The following GFM2 variants were observed in gnomAD, a reference collection of about 807,000 sequenced individuals.
GFM2 encodes ribosome-releasing factor 2, mitochondrial.
GFM2 carries 72 observed loss-of-function variants against 95.4 expected under a neutral mutation model. The ratio of observed to expected loss-of-function variants is 0.76; its 90% confidence interval spans 0.62 to 0.92. The LOEUF (loss-of-function observed/expected upper bound fraction) is 0.92, where lower values mean the gene tolerates loss of function less well. Among genes scored for constraint, GFM2 ranks in the 40% least tolerant of loss-of-function variants. GFM2 has a pLI of 0.00. For missense variants in GFM2, 825 were observed against 924.1 expected, an observed-to-expected ratio of 0.89 and a Z score of 1.39; for synonymous variants, 276 against 317.5, an observed-to-expected ratio of 0.87 and a Z score of 1.39.
Position 74,721,465 on chromosome 5 carries a change from T to C in GFM2, c.*190A>G. ...CAGTGGCTTTAAACATCAAAGCACA[T>C]TTCTCATTATATAAATTAAAACGGG... On this transcript the variant is annotated 3_prime_UTR_variant, in exon 21 of 21. Coordinates refer to ENST00000296805, the MANE Select transcript of GFM2 (RefSeq NM_032380.5). 1 of 715,958 alleles carries C rather than the reference T, an allele frequency of 1.4e-6. No homozygotes were observed. Among genetic ancestry groups the C allele is most frequent in the Non-Finnish European group, 2.4e-6 (1 of 413,568 alleles). 44.4% of individuals were successfully genotyped at this position (715,958 alleles called of 1,614,324 possible).
At chr5:74,754,890 C>T (rs1007622762) in intron 5 of GFM2, among the ~76,000 whole-genome samples, 8 of 152,010 alleles carry the variant, frequency 5.3e-5, no homozygotes, top group Admixed American at 1.3e-4. Context: ...CTGAGGCAGG[C>T]GGATTACCTG....
At position 74,721,357 on chromosome 5, in the gene GFM2, A is replaced by C; in HGVS notation, c.*298T>G. ...TCTTGTGAGACAAGCTTAAGGACAC[A>C]AAAGAAACACAACTTTGTGATACCA... On this transcript the variant is annotated 3_prime_UTR_variant, in exon 21 of 21. Coordinates refer to ENST00000296805, the MANE Select transcript of GFM2 (RefSeq NM_032380.5). 1 of 742,554 alleles carries C rather than the reference A, an allele frequency of 1.3e-6. No individual in the cohort carries two copies. 46.0% of individuals were successfully genotyped at this position (742,554 alleles called of 1,614,324 possible).
chr5:74,746,202 T>A, intron 8 of GFM2, 37 bp from the exon 9 acceptor site: 1 of 1,177,336 alleles, frequency 8.5e-7, no homozygotes, highest in East Asian at 2.7e-5. Context: ...AAAAACATGG[T>A]TAAAAATTCT....
intron 17 of GFM2, among the ~76,000 whole-genome samples, chr5:74,729,232 AT>A (rs1294695371): frequency 6.6e-6 from 1 of 152,234 alleles, no homozygotes; most frequent in African/African-American, 2.4e-5. Context: ...TCAGAAGCCT[AT>A]GATTACAAAT....
chr5:74,745,604 T>C (rs1292678098), intron 10 of GFM2, 74 bp downstream of exon 10: 3 of 1,276,484 alleles, frequency 2.4e-6, no homozygotes, highest in African/African-American at 1.5e-5. Flanking sequence ...CCCCGAGAGA[T>C]GCTAAAGTAT....
intron 17 of GFM2, 137 bp downstream of exon 17, chr5:74,730,123 A>G (rs1397503467): frequency 5.0e-6 from 4 of 797,278 alleles, no homozygotes; most frequent in Non-Finnish European, 7.5e-6. Context: ...CTAAAAAAAC[A>G]AAAAAACCCC....
intron 1 of GFM2, 97 bp from the exon 2 acceptor site, chr5:74,763,863 A>C: frequency 1.7e-6 from 1 of 600,050 alleles, no homozygotes; most frequent in Non-Finnish European, 2.9e-6. Context: ...GTATGGTAAA[A>C]TGTATTACTT....
chr5:74,752,323 G>C (rs143880540), intron 5 of GFM2, among the ~76,000 whole-genome samples: 124 of 152,206 alleles, frequency 8.1e-4, no homozygotes, highest in Middle Eastern at 3.4e-3. Flanking sequence ...CCATTATCAT[G>C]GCCTTATACT....
At chr5:74,722,785 G>A (rs1222739593) in intron 19 of GFM2, 19 of 412,786 alleles carry the variant, frequency 4.6e-5, no homozygotes, top group Non-Finnish European at 8.1e-5. Flanking sequence ...TATAAAAAAT[G>A]CCTGTGAACA....
At chr5:74,766,298 C>G (rs1744600134) in intron 1 of GFM2, among the ~76,000 whole-genome samples, 2 of 152,190 alleles carry the variant, frequency 1.3e-5, no homozygotes, top group Admixed American at 1.3e-4. Context: ...GGCGAGATGC[C>G]GTCTCAAAAT....
chr5:74,750,459 C>G (rs1743637539), intron 7 of GFM2, 120 bp downstream of exon 7: 1 of 591,870 alleles, frequency 1.7e-6, no homozygotes, highest in Non-Finnish European at 3.0e-6. Context: ...TTTCCTTTTA[C>G]CATTATTTGA....
chr5:74,739,079 C>T (rs1742985835), intron 12 of GFM2, among the ~76,000 whole-genome samples: 3 of 152,232 alleles, frequency 2.0e-5, no homozygotes, highest in Middle Eastern at 6.8e-3. Flanking sequence ...AACCAACACT[C>T]TTAACAGAAT....
At chr5:74,766,409 G>C (rs746687107) in intron 1 of GFM2, among the ~76,000 whole-genome samples, 12 of 152,226 alleles carry the variant, frequency 7.9e-5, no homozygotes, top group Non-Finnish European at 1.6e-4. Context: ...TTCATCAACT[G>C]AATCACGCTG....
At chr5:74,751,838 G>T (rs1036481900) in intron 5 of GFM2, among the ~76,000 whole-genome samples, 2 of 152,080 alleles carry the variant, frequency 1.3e-5, no homozygotes, top group African/African-American at 4.8e-5. Context: ...ATAGGAGGCC[G>T]AGTGGTACAG....
chr5:74,725,331 T>C, intron 19 of GFM2: 1 of 240,140 alleles, frequency 4.2e-6, no homozygotes, highest in Non-Finnish European at 7.9e-6. Context: ...AAACCTACCA[T>C]GCTTGCCTCT....
intron 12 of GFM2, 60 bp downstream of exon 12, chr5:74,739,929 T>C: frequency 8.3e-7 from 1 of 1,205,592 alleles, no homozygotes; most frequent in Non-Finnish European, 1.1e-6. Flanking sequence ...TTCATAAAAG[T>C]ATTTGCCTAC....
Position 74,726,084 on chromosome 5 carries a change from G to C in GFM2, c.1769C>G (p.Thr590Ser). The C allele has an allele frequency of 6.2e-7, 1 of 1,612,090 alleles. No individual in the cohort carries two copies. The highest frequency in any genetic ancestry group is 8.5e-7 in the Non-Finnish European group (1 of 1,179,474). The change falls in exon 18 of 21, where the codon ACT becomes AGT. Residue 590 changes from threonine (T) to serine (S), a missense_variant. Physicochemically the swap from Thr to Ser is moderately conservative, Grantham distance 58 (BLOSUM62 1). Coordinates refer to ENST00000296805, the MANE Select transcript of GFM2 (RefSeq NM_032380.5). ...RTLGDKRHLV[T>S]VEVEARPIET... ...AATTGGCCTTGCTTCCACTTCTACAGTCACAAGATGCCTTTTGTCTCCTAA... is the reference window on the plus strand; with the variant it reads ...AATTGGCCTTGCTTCCACTTCTACACTCACAAGATGCCTTTTGTCTCCTAA...
At chr5:74,728,744 GTTTC>G (rs1409629965) in intron 17 of GFM2, among the ~76,000 whole-genome samples, 6 of 89,712 alleles carry the variant, frequency 6.7e-5, no homozygotes, top group African/African-American at 1.9e-4. Context: ...ATGTGTGGGG[GTTTC>G]TTTTTTTTTT....
Position 74,763,126 on chromosome 5 carries a change from T to C in GFM2, c.63+554A>G, listed in dbSNP as rs544191923. Among the ~76,000 whole-genome samples, 70 of 152,360 alleles carry C rather than the reference T, an allele frequency of 4.6e-4. 1 individual carries two copies. Among genetic ancestry groups the C allele is most frequent in the South Asian group, 3.5e-3 (17 of 4,824 alleles). ...ATGTGATAGTTTAGAAAATAATTTA[T>C]AGTGTTTTGAAGAGGATTCAGGAGT... On this transcript the variant is annotated intron_variant, in intron 2 of 20. Coordinates refer to ENST00000296805, the MANE Select transcript of GFM2 (RefSeq NM_032380.5).
Sources: allele counts gnomAD v4.1 joint callset (sites outside exome capture counted in the v4.1 genomes callset), GRCh38; gene constraint gnomAD v4.1.1; transcripts MANE v1.5; gene names NCBI Gene and HGNC (gene_info 2026-07-23, HGNC 2026-07-21).